The following CIMIP6 variants were observed in gnomAD, a reference collection of about 807,000 sequenced individuals.
CIMIP6 encodes ciliary microtubule inner protein 6, also known as uncharacterized protein C2orf73.
the CIMIP6 span, among the ~76,000 whole-genome samples, chr2:54,359,601 A>G: frequency 7.5e-6 from 1 of 133,038 alleles, no homozygotes; most frequent in Non-Finnish European, 1.5e-5. Flanking sequence ...TAATAACAAT[A>G]ATAATAATAA....
the CIMIP6 span, among the ~76,000 whole-genome samples, chr2:54,349,756 A>AT: frequency 1.1e-4 from 16 of 152,204 alleles, no homozygotes; most frequent in Non-Finnish European, 1.5e-4. Context: ...ATTATGTTTA[A>AT]TTTTAATAGG....
At chr2:54,353,594 T>C in the CIMIP6 span, among the ~76,000 whole-genome samples, 6 of 152,302 alleles carry the variant, frequency 3.9e-5, no homozygotes, top group African/African-American at 1.4e-4. Flanking sequence ...GCTTTTATTA[T>C]GAAGATTAAG....
At chr2:54,340,992 A>G in the CIMIP6 span, among the ~76,000 whole-genome samples, 2 of 152,146 alleles carry the variant, frequency 1.3e-5, no homozygotes, top group African/African-American at 4.8e-5. Flanking sequence ...AAATAATAAT[A>G]ATTAAAGTCC....
the CIMIP6 span, among the ~76,000 whole-genome samples, chr2:54,367,339 C>G: frequency 1.3e-5 from 2 of 151,832 alleles, no homozygotes; most frequent in Admixed American, 6.6e-5. Context: ...CTTCATTTGG[C>G]AAAATATATA....
At chr2:54,359,136 C>T in the CIMIP6 span, 2 of 943,788 alleles carry the variant, frequency 2.1e-6, no homozygotes, top group African/African-American at 1.7e-5. Context: ...GAACTTTAAG[C>T]TTTTTCAAGT....
the CIMIP6 span, among the ~76,000 whole-genome samples, chr2:54,380,897 C>T: frequency 6.6e-6 from 1 of 152,156 alleles, no homozygotes; most frequent in African/African-American, 2.4e-5. Context: ...GTTTCTGTGG[C>T]GATATCTTTT....
the CIMIP6 span, among the ~76,000 whole-genome samples, chr2:54,371,623 C>T: frequency 6.6e-6 from 1 of 152,220 alleles, no homozygotes; most frequent in South Asian, 2.1e-4. Flanking sequence ...TGCAGTTCTC[C>T]ACATCTTGCT....
the CIMIP6 span, among the ~76,000 whole-genome samples, chr2:54,381,124 T>C: frequency 6.6e-6 from 1 of 152,176 alleles, no homozygotes; most frequent in African/African-American, 2.4e-5. Flanking sequence ...TGAGATCACA[T>C]TTCCCTCTTT....
the CIMIP6 span, among the ~76,000 whole-genome samples, chr2:54,382,288 A>G: frequency 1.3e-5 from 2 of 152,224 alleles, no homozygotes; most frequent in South Asian, 4.1e-4. Context: ...AATTGAGAAC[A>G]ATAAAACTGA....
the CIMIP6 span, among the ~76,000 whole-genome samples, chr2:54,374,437 TTAAAGTATAAAGA>T: frequency 6.6e-6 from 1 of 152,224 alleles, no homozygotes; most frequent in African/African-American, 2.4e-5. Flanking sequence ...GGATGGCATT[TTAAAGTATAAAGA>T]ACAAACTATC....
chr2:54,360,252 C>T, the CIMIP6 span: 1 of 1,609,262 alleles, frequency 6.2e-7, no homozygotes, highest in Non-Finnish European at 8.5e-7. Context: ...AGTAGGCCAA[C>T]AGTTCCTAAA....
At chr2:54,372,380 T>C in the CIMIP6 span, among the ~76,000 whole-genome samples, 5 of 152,182 alleles carry the variant, frequency 3.3e-5, no homozygotes, top group African/African-American at 9.7e-5. Flanking sequence ...ATTTGTCCCC[T>C]TGTTTTTATT....
the CIMIP6 span, among the ~76,000 whole-genome samples, chr2:54,333,667 T>G: frequency 1.3e-5 from 2 of 152,036 alleles, no homozygotes; most frequent in Non-Finnish European, 2.9e-5. Flanking sequence ...GGCTGGCAGA[T>G]CACCTGAGGT....
At chr2:54,373,040 G>A in the CIMIP6 span, among the ~76,000 whole-genome samples, 1 of 151,944 alleles carries the variant, frequency 6.6e-6, no homozygotes, top group Non-Finnish European at 1.5e-5. Context: ...TCATCCACAG[G>A]CAGTGGTCTC....
At chr2:54,358,112 G>T in the CIMIP6 span, among the ~76,000 whole-genome samples, 4 of 152,216 alleles carry the variant, frequency 2.6e-5, no homozygotes, top group African/African-American at 9.6e-5. Context: ...AGATTATTTA[G>T]AAGTGATTTT....
chr2:54,332,918 G>C, the CIMIP6 span, among the ~76,000 whole-genome samples: 1 of 152,208 alleles, frequency 6.6e-6, no homozygotes, highest in East Asian at 1.9e-4. Context: ...CCAGTAATCA[G>C]TTTTTCCAAA....
chr2:54,334,133 T>A, the CIMIP6 span, among the ~76,000 whole-genome samples: 64 of 152,208 alleles, frequency 4.2e-4, no homozygotes, highest in African/African-American at 1.4e-3. Flanking sequence ...ATGTGAATTT[T>A]AAAAATACTG....
the CIMIP6 span, chr2:54,383,665 G>T: frequency 2.7e-5 from 4 of 150,596 alleles, no homozygotes; most frequent in Admixed American, 2.6e-4. Flanking sequence ...AATTATTCGC[G>T]TAAATATATT....
At chr2:54,356,143 T>TAAAAAA in the CIMIP6 span, among the ~76,000 whole-genome samples, 1 of 136,662 alleles carries the variant, frequency 7.3e-6, no homozygotes, top group Non-Finnish European at 1.6e-5. Context: ...CTTAAACTGT[T>TAAAAAA]AAAAAAAAAA....
Sources: gnomAD v4.1 joint callset for allele counts (sites outside exome capture counted in the v4.1 genomes callset) on GRCh38, gnomAD v4.1.1 for gene constraint, MANE v1.5 for transcripts, NCBI Gene and HGNC (gene_info 2026-07-23, HGNC 2026-07-21) for gene names.